Variants in CLEC16A observed in about 807,000 individuals in gnomAD.
CLEC16A encodes the protein C-type lectin domain containing 16A, also known as protein CLEC16A.
Under a neutral mutation model 109.5 loss-of-function variants are expected in CLEC16A, and 51 were observed. The ratio of observed to expected loss-of-function variants is 0.47; its 90% CI spans 0.37 to 0.59. The LOEUF (loss-of-function observed/expected upper bound fraction) is 0.59, where lower values mean the gene tolerates loss of function less well. Ranked by LOEUF, CLEC16A falls within the 20% of genes least tolerant of loss-of-function variation. The pLI is 0.00. For missense variants in CLEC16A, 1,339 were observed against 1,394.0 expected, an observed-to-expected ratio of 0.96 and a Z score of 0.63; for synonymous variants, 673 against 564.2, an observed-to-expected ratio of 1.19 and a Z score of -2.73.
At chr16:11,167,164 C>T (rs759044791) in intron 23 of CLEC16A, among the ~76,000 whole-genome samples, 8 of 152,268 alleles carry the variant, frequency 5.3e-5, no homozygotes, top group Admixed American at 1.3e-4. Context: ...TCTCGGCTGC[C>T]GTGAGCTATT....
intron 19 of CLEC16A, among the ~76,000 whole-genome samples, chr16:11,081,013 A>G (rs913811181): frequency 1.3e-5 from 2 of 152,210 alleles, no homozygotes; most frequent in Non-Finnish European, 2.9e-5. Flanking sequence ...CTGGCAGCAG[A>G]TGGGGCTGGA....
intron 10 of CLEC16A, among the ~76,000 whole-genome samples, chr16:10,988,913 G>C (rs1182252289): frequency 6.6e-6 from 1 of 152,158 alleles, no homozygotes; most frequent in African/African-American, 2.4e-5. Context: ...TAGTTCCTAA[G>C]GCTGCGCAGT....
chr16:11,005,814 C>T (rs1458165089), intron 11 of CLEC16A, among the ~76,000 whole-genome samples: 3 of 150,360 alleles, frequency 2.0e-5, no homozygotes, highest in African/African-American at 7.4e-5. Flanking sequence ...AGTGTAGATG[C>T]TGGGCAGTGC....
At chr16:11,138,625 G>T (rs188161102) in intron 22 of CLEC16A, among the ~76,000 whole-genome samples, 1 of 152,306 alleles carries the variant, frequency 6.6e-6, no homozygotes, top group East Asian at 1.9e-4. Context: ...ACAGGCTGGG[G>T]TGCGGCCTTC....
At chr16:11,061,239 A>C (rs1303163984) in intron 19 of CLEC16A, among the ~76,000 whole-genome samples, 2 of 152,214 alleles carry the variant, frequency 1.3e-5, no homozygotes, top group Non-Finnish European at 2.9e-5. Flanking sequence ...TTCTGCTTTC[A>C]CACAGCTGGT....
chr16:10,951,210 C>T (rs1250332401), intron 1 of CLEC16A, among the ~76,000 whole-genome samples: 1 of 152,108 alleles, frequency 6.6e-6, no homozygotes, highest in Non-Finnish European at 1.5e-5. Flanking sequence ...GCTCATCTGT[C>T]GGTGGAGAGT....
intron 23 of CLEC16A, among the ~76,000 whole-genome samples, chr16:11,177,313 G>T (rs576023212): frequency 6.6e-6 from 1 of 152,298 alleles, no homozygotes; most frequent in African/African-American, 2.4e-5. Context: ...GTAGGATTTT[G>T]AAAAGGGCCG....
Position 10,968,382 on chromosome 16 carries a change from C to T in CLEC16A, c.344-779C>T, listed in dbSNP as rs528608251. Among the ~76,000 whole-genome samples, 17 of 152,320 alleles carry T rather than the reference C, an allele frequency of 1.1e-4. No homozygotes were observed. The South Asian group carries it at 3.3e-3, about 30-fold the overall frequency. ...TCTCTTCACTGTTGAAAGCCCTCAC[C>T]ATACTGGCCTGCATTTCTGCAGGGC... On this transcript the variant is annotated intron_variant, in intron 3 of 23. Transcript: ENST00000409790.
intron 19 of CLEC16A, among the ~76,000 whole-genome samples, chr16:11,080,520 T>G (rs937362639): frequency 6.6e-6 from 1 of 152,234 alleles, no homozygotes; most frequent in Non-Finnish European, 1.5e-5. Context: ...GTCTGGAACA[T>G]TGGGCGGTCC....
At chr16:11,102,610 A>G (rs930239371) in intron 19 of CLEC16A, among the ~76,000 whole-genome samples, 3 of 152,200 alleles carry the variant, frequency 2.0e-5, no homozygotes, top group African/African-American at 4.8e-5. Flanking sequence ...CAACCGCTTC[A>G]TTTGAGTGAC....
intron 23 of CLEC16A, among the ~76,000 whole-genome samples, chr16:11,175,038 T>C (rs1443288519): frequency 6.6e-6 from 1 of 152,246 alleles, no homozygotes; most frequent in Non-Finnish European, 1.5e-5. Flanking sequence ...GAAATCCTAT[T>C]TTCTCTGAGC....
At chr16:11,123,176 A>G (rs1597462052) in intron 20 of CLEC16A, among the ~76,000 whole-genome samples, 1 of 152,110 alleles carries the variant, frequency 6.6e-6, no homozygotes, top group East Asian at 1.9e-4. Context: ...TGCTGGAATT[A>G]TAGGCGTGAG....
intron 19 of CLEC16A, 75 bp downstream of exon 19, chr16:11,061,097 C>T (rs899626673): frequency 9.6e-6 from 14 of 1,463,776 alleles, no homozygotes; most frequent in Admixed American, 2.1e-5. Flanking sequence ...CTGATTCACA[C>T]GCCACTGGGA....
chr16:11,034,053 C>T (rs183872611), intron 13 of CLEC16A, among the ~76,000 whole-genome samples: 7 of 152,220 alleles, frequency 4.6e-5, no homozygotes, highest in Non-Finnish European at 8.8e-5. Context: ...GTCTTGGGCT[C>T]TTTGTGTTTT....
At chr16:10,945,494 G>C (rs984572661) in intron 1 of CLEC16A, among the ~76,000 whole-genome samples, 3 of 152,182 alleles carry the variant, frequency 2.0e-5, no homozygotes, top group Non-Finnish European at 2.9e-5. Flanking sequence ...ACAGGTGGCA[G>C]ATAGGGTCTT....
intron 19 of CLEC16A, among the ~76,000 whole-genome samples, chr16:11,098,857 C>T (rs150029773): frequency 8.5e-5 from 13 of 152,378 alleles, no homozygotes; most frequent in East Asian, 7.7e-4. Context: ...GGGGCCAGGA[C>T]AGAGAGATGC....
In CLEC16A at chr16:11,091,248, G is replaced by T. The variant is rs1046291839; in HGVS notation, c.2117-29367G>T. On this transcript the variant is annotated intron_variant, in intron 19 of 23. Coordinates refer to ENST00000409790, the MANE Select transcript of CLEC16A (RefSeq NM_015226.3). ...GAGATGGATAACTGGTGTTGAAAAT[G>T]ATATCACTTATTTCAAAGGGTAAAA... 3.9e-5 allele frequency among the ~76,000 whole-genome samples: 6 copies of T among 152,338 alleles called. No individual in the cohort carries two copies. In the East Asian group the frequency reaches 9.6e-4, roughly 24 times the overall value.
intron 11 of CLEC16A, among the ~76,000 whole-genome samples, chr16:11,007,283 G>A (rs2152763377): frequency 6.6e-6 from 1 of 151,448 alleles, no homozygotes; most frequent in South Asian, 2.1e-4. Context: ...GTTTGAGAGG[G>A]TACCTGGGAG....
intron 23 of CLEC16A, among the ~76,000 whole-genome samples, chr16:11,177,216 A>G (rs2068784199): frequency 6.6e-6 from 1 of 152,160 alleles, no homozygotes; most frequent in Non-Finnish European, 1.5e-5. Flanking sequence ...GTGCTGGAAG[A>G]TGTTTTCCAC....
Sources: gnomAD v4.1 joint callset for allele counts (sites outside exome capture counted in the v4.1 genomes callset) on GRCh38, gnomAD v4.1.1 for gene constraint, MANE v1.5 for transcripts, NCBI Gene and HGNC (gene_info 2026-07-23, HGNC 2026-07-21) for gene names.